Variants in CIB4 observed in about 807,000 individuals in gnomAD.
CIB4 encodes calcium and integrin-binding family member 4.
CIB4 carries 25 observed loss-of-function variants against 25.8 expected under a neutral mutation model. The observed-to-expected ratio is 0.97, with a 90% CI of 0.71 to 1.35. CIB4 has a LOEUF of 1.35. Among genes scored for constraint, CIB4 ranks in the 40% most tolerant of loss-of-function variants. CIB4 has a pLI of 0.00. For synonymous variants in CIB4, 75 were observed against 81.4 expected (o/e 0.92, Z 0.42); for missense variants, 235 against 228.2 (o/e 1.03, Z -0.19).
chr2:26,588,981 C>CT (rs1350252286), intron 4 of CIB4, among the ~76,000 whole-genome samples: 423 of 13,852 alleles, frequency 0.031, 44 homozygotes, highest in African/African-American at 0.11. Flanking sequence ...CTTCTTCTTT[C>CT]TTCTTCTTCT....
At position 26,595,196 on chromosome 2, in the gene CIB4, T is replaced by C. The variant is rs769334407; in HGVS notation, c.308A>G (p.Glu103Gly). ...CCTACCATAGATGCGAAAGGCATAC[T>C]CAATCTTCAGGCTTGGGCAGGCCTG... ...SEQACPSLKI[E>G]YAFRIYDFNE... is the part of the protein sequence containing the mutation. The change falls in exon 4 of 7, where the codon GAG (glutamate) becomes GGG (glycine). Residue 103 changes from glutamate to glycine, a missense_variant. By Grantham distance (98) the Glu-to-Gly change is moderately conservative (BLOSUM62 -2). Coordinates refer to ENST00000288861, the MANE Select transcript of CIB4 (RefSeq NM_001029881.3). The C allele has an allele frequency of 1.2e-6, 2 of 1,611,890 alleles. No individual in the cohort carries two copies. Among genetic ancestry groups the C allele is most frequent in the Non-Finnish European group, 8.5e-7 (1 of 1,178,192 alleles).
At chr2:26,630,432 A>T (rs1179969619) in intron 2 of CIB4, among the ~76,000 whole-genome samples, 2 of 152,110 alleles carry the variant, frequency 1.3e-5, no homozygotes, top group East Asian at 1.9e-4. Flanking sequence ...CTCACTTGAC[A>T]TTTCTGAACT....
At chr2:26,636,128 T>C (rs542469576) in intron 2 of CIB4, among the ~76,000 whole-genome samples, 7 of 152,242 alleles carry the variant, frequency 4.6e-5, no homozygotes, top group Non-Finnish European at 7.4e-5. Context: ...GACCTCTTAG[T>C]AGAAAAAAAG....
chr2:26,589,133 TCTTCTTCTCCTTCCCCTTCCCCTTCCC>T (rs1668535435), intron 4 of CIB4, among the ~76,000 whole-genome samples: 1 of 131,046 alleles, frequency 7.6e-6, no homozygotes, highest in African/African-American at 3.1e-5. Context: ...TTCTTCTTCT[TCTTCTTCTCCTTCCCCTTCCCCTTCCC>T]CTTCTCCTTC....
intron 3 of CIB4, among the ~76,000 whole-genome samples, chr2:26,598,098 G>A (rs1481698289): frequency 7.9e-5 from 12 of 151,854 alleles, no homozygotes; most frequent in South Asian, 2.1e-4. Context: ...TCAGGAGTTC[G>A]AGACCAGCCT....
In CIB4 at chr2:26,609,358, C is replaced by G. The variant is rs1362378347; in HGVS notation, c.187-14041G>C. Among the ~76,000 whole-genome samples the G allele has an allele frequency of 4.6e-5, 7 of 152,310 alleles. No individual in the cohort carries two copies. In the East Asian group the frequency reaches 1.4e-3, roughly 29 times the overall value. ...GATGCAAATGCTACAAGCCAGGGCC[C>G]TTACAGAGACCACCTCCCTCCTCTC... On this transcript the variant is annotated intron_variant, in intron 3 of 6. Coordinates refer to ENST00000288861, the MANE Select transcript of CIB4 (RefSeq NM_001029881.3).
At chr2:26,591,828 C>T (rs1668591968) in intron 4 of CIB4, among the ~76,000 whole-genome samples, 1 of 152,226 alleles carries the variant, frequency 6.6e-6, no homozygotes. Flanking sequence ...GAGCTGAGGG[C>T]AGCCTCCGGC....
chr2:26,586,884 G>A (rs1668467557), intron 4 of CIB4, among the ~76,000 whole-genome samples: 1 of 152,198 alleles, frequency 6.6e-6, no homozygotes, highest in African/African-American at 2.4e-5. Context: ...CAACTTCTGG[G>A]ACCATCTATA....
rs1668335692 is a variant in CIB4 at position 26,581,405 on chromosome 2, A to T, written c.528-12T>A. Reference sequence around the variant, plus strand: ...GAATCCGAAAGGAGCTGAAAGAAAGAATCCCGTGAGCCATGTGAGCCCGCA... The same window carrying T: ...GAATCCGAAAGGAGCTGAAAGAAAGTATCCCGTGAGCCATGTGAGCCCGCA... On this transcript the variant is annotated splice_polypyrimidine_tract_variant and intron_variant, in intron 6 of 6. Transcript: ENST00000288861. The T allele has an allele frequency of 1.2e-6, 2 of 1,613,482 alleles. No individual in the cohort carries two copies. Among genetic ancestry groups the T allele is most frequent in the African/African-American group, 2.7e-5 (2 of 74,872 alleles).
chr2:26,583,789 G>T lies in CIB4; in HGVS notation c.438C>A (p.His146Gln). Reference protein sequence around the residue: ...SEDLLMDLTNHVLSESDLDND... With the variant: ...SEDLLMDLTNQVLSESDLDND... ...CCAACTCCCAGCCCCCAGCACACACGTGGTTCGTGAGGTCCATCAGGAGGT... is the reference window on the plus strand; with the variant it reads ...CCAACTCCCAGCCCCCAGCACACACTTGGTTCGTGAGGTCCATCAGGAGGT... The change falls in exon 5 of 7, where the codon CAC (histidine) becomes CAA (glutamine). Residue 146 changes from histidine to glutamine, a missense_variant and splice_region_variant. His to Gln is a conservative substitution (Grantham distance 24). Transcript: ENST00000288861. 6.3e-7 allele frequency: 1 copy of T among 1,597,754 alleles called. No individual in the cohort carries two copies. The highest frequency in any genetic ancestry group is 8.6e-7 in the Non-Finnish European group (1 of 1,166,290).
chr2:26,618,459 A>AT (rs1337402253), intron 3 of CIB4, among the ~76,000 whole-genome samples: 1 of 152,074 alleles, frequency 6.6e-6, no homozygotes, highest in East Asian at 1.9e-4. Flanking sequence ...CTAATTTTTT[A>AT]TTTTTTGTAG....
At chr2:26,609,845 G>A (rs941985140) in intron 3 of CIB4, among the ~76,000 whole-genome samples, 4 of 152,172 alleles carry the variant, frequency 2.6e-5, no homozygotes, top group Admixed American at 6.5e-5. Flanking sequence ...CACAAACAAA[G>A]TTCCGAACAA....
chr2:26,608,008 C>T (rs1318340476), intron 3 of CIB4, among the ~76,000 whole-genome samples: 6 of 152,334 alleles, frequency 3.9e-5, no homozygotes, highest in East Asian at 3.9e-4. Context: ...AAGGCTGAGA[C>T]GGGTGGATCA....
At chr2:26,595,091 T>C (rs1236644293) in intron 4 of CIB4, 85 bp downstream of exon 4, 3 of 1,351,332 alleles carry the variant, frequency 2.2e-6, no homozygotes, top group African/African-American at 2.8e-5. Flanking sequence ...ATGCCATCCA[T>C]CAATGAACTG....
At chr2:26,625,989 G>A (rs1323438668) in intron 3 of CIB4, among the ~76,000 whole-genome samples, 1 of 152,170 alleles carries the variant, frequency 6.6e-6, no homozygotes, top group African/African-American at 2.4e-5. Context: ...TTATTGAATA[G>A]GGAATTCTTT....
intron 3 of CIB4, among the ~76,000 whole-genome samples, chr2:26,626,128 T>C (rs1170998924): frequency 6.6e-6 from 1 of 152,230 alleles, no homozygotes; most frequent in African/African-American, 2.4e-5. Context: ...GCTGTTTTGG[T>C]TACTGTAGCC....
At chr2:26,640,750 C>T (rs1275176129) in intron 1 of CIB4, among the ~76,000 whole-genome samples, 183 bp from the exon 2 acceptor site, 1 of 152,194 alleles carries the variant, frequency 6.6e-6, no homozygotes, top group Non-Finnish European at 1.5e-5. Context: ...CTCTTTCTTA[C>T]CCCCTAGTCT....
chr2:26,606,823 A>C (rs1006343984), intron 3 of CIB4, among the ~76,000 whole-genome samples: 1 of 152,220 alleles, frequency 6.6e-6, no homozygotes, highest in Non-Finnish European at 1.5e-5. Context: ...AAAAACAGAG[A>C]GGCTCAAATG....
At chr2:26,616,324 C>G (rs890128248) in intron 3 of CIB4, among the ~76,000 whole-genome samples, 4 of 152,156 alleles carry the variant, frequency 2.6e-5, no homozygotes, top group African/African-American at 9.7e-5. Context: ...GTCGCCAACT[C>G]CTAGGGTGCT....
Sources: gnomAD v4.1 joint callset for allele counts (sites outside exome capture counted in the v4.1 genomes callset) on GRCh38, gnomAD v4.1.1 for gene constraint, MANE v1.5 for transcripts, NCBI Gene and HGNC (gene_info 2026-07-23, HGNC 2026-07-21) for gene names.